Variants in VWDE observed in about 807,000 individuals in gnomAD.
The protein encoded by VWDE is von Willebrand factor D and EGF domains, also known as von Willebrand factor D and EGF domain-containing protein.
VWDE carries 207 observed loss-of-function variants against 178.4 expected under a neutral mutation model. That is an observed-to-expected ratio of 1.16 (90% confidence interval 1.04 to 1.30). VWDE has a LOEUF of 1.30. Ranked by LOEUF, VWDE falls within the 50% of genes most tolerant of loss-of-function variation. VWDE has a pLI of 0.00. For synonymous variants in VWDE, 738 were observed against 651.4 expected (o/e 1.13, Z -2.02); for missense variants, 2,287 against 1,901.3 (o/e 1.20, Z -3.77).
chr7:12,379,623 A>C, intron 5 of VWDE, 57 bp from the exon 6 acceptor site: 1 of 1,254,090 alleles, frequency 8.0e-7, no homozygotes, highest in Non-Finnish European at 1.1e-6. Flanking sequence ...GAAAACGTGT[A>C]AATTATCACT....
At chr7:12,334,866 CT>C (rs1265014920) in intron 27 of VWDE, among the ~76,000 whole-genome samples, 7 of 151,670 alleles carry the variant, frequency 4.6e-5, no homozygotes, top group African/African-American at 1.5e-4. Context: ...AGGTTGCTAA[CT>C]TTTTTTTTCT....
At chr7:12,357,997 C>T (rs1157817221) in intron 16 of VWDE, among the ~76,000 whole-genome samples, 1 of 152,144 alleles carries the variant, frequency 6.6e-6, no homozygotes, top group Non-Finnish European at 1.5e-5. Flanking sequence ...CTTGCCTCCC[C>T]AGCTATAATA....
chr7:12,352,767 T>C lies in VWDE; in HGVS notation c.3746-1054A>G, dbSNP rs1023775989. Reference sequence around the variant, plus strand: ...ATGCTGCTGCTTCCTTAGTACATAATTGTCATCAAAAAGGGTCCCATTCAC... The same window carrying C: ...ATGCTGCTGCTTCCTTAGTACATAACTGTCATCAAAAAGGGTCCCATTCAC... On this transcript the variant is annotated intron_variant, in intron 18 of 28. Coordinates refer to ENST00000275358, the MANE Select transcript of VWDE (RefSeq NM_001135924.3). Among the ~76,000 whole-genome samples, 6 of 152,276 alleles carry C rather than the reference T, an allele frequency of 3.9e-5. No homozygotes were observed. The East Asian group carries it at 9.6e-4, about 24-fold the overall frequency.
intron 4 of VWDE, among the ~76,000 whole-genome samples, chr7:12,383,310 A>G (rs972293784): frequency 2.0e-5 from 3 of 152,128 alleles, no homozygotes; most frequent in Non-Finnish European, 4.4e-5. Context: ...TTTCTTATGA[A>G]AGATTCTACT....
chr7:12,379,828 C>T (rs1474237106), intron 5 of VWDE, among the ~76,000 whole-genome samples: 1 of 152,128 alleles, frequency 6.6e-6, no homozygotes, highest in Admixed American at 6.5e-5. Context: ...GGTGCGGTGG[C>T]TCACGCCTGT....
chr7:12,356,419 T>C, intron 17 of VWDE, 89 bp from the exon 18 acceptor site: 1 of 910,742 alleles, frequency 1.1e-6, no homozygotes, highest in South Asian at 1.6e-5. Context: ...CATGTATGTT[T>C]ATGTACAAGT....
At chr7:12,379,400 C>T in intron 6 of VWDE, 77 bp downstream of exon 6, 1 of 993,016 alleles carries the variant, frequency 1.0e-6, no homozygotes. Flanking sequence ...GTACAGAAAC[C>T]AGCATGGACA....
chr7:12,376,697 G>A (rs1465627482), intron 7 of VWDE, among the ~76,000 whole-genome samples: 4 of 152,048 alleles, frequency 2.6e-5, no homozygotes, highest in South Asian at 2.1e-4. Context: ...CAAATAGTCC[G>A]AGAGAGGGTA....
chr7:12,358,192 C>A (rs372704500), intron 16 of VWDE, among the ~76,000 whole-genome samples: 275 of 152,210 alleles, frequency 1.8e-3, no homozygotes, highest in African/African-American at 6.3e-3. Flanking sequence ...GCCTGGCCAA[C>A]ATGGTGAAAC....
chr7:12,361,612 A>G, intron 13 of VWDE, 91 bp from the exon 14 acceptor site: 1 of 1,201,696 alleles, frequency 8.3e-7, no homozygotes, highest in Non-Finnish European at 1.1e-6. Flanking sequence ...TAAATTTTAA[A>G]ATATATGCCT....
At position 12,333,481 on chromosome 7, in the gene VWDE, C is replaced by T. The variant is rs371756568; in HGVS notation, c.4742G>A (p.Cys1581Tyr). Residue 1581 changes from cysteine (C) to tyrosine (Y), a missense_variant, in exon 28 of 29, where the codon TGT (cysteine) becomes TAT (tyrosine). By Grantham distance (194) the Cys-to-Tyr change is radical. Transcript: ENST00000275358. ...CTGAAATACCTGTATTTTCTTCTCA[C>T]ATTTGACTCCAGAGTATTCAGTGCG... ...SCRTEYSGVKCEKKIQIRRH is the reference protein window; with the variant it reads ...SCRTEYSGVKYEKKIQIRRH 4.5e-6 allele frequency: 7 copies of T among 1,545,804 alleles called. No individual in the cohort carries two copies. Among genetic ancestry groups the T allele is most frequent in the Non-Finnish European group, 5.2e-6 (6 of 1,143,426 alleles).
chr7:12,350,520 A>G (rs573863930), intron 19 of VWDE, among the ~76,000 whole-genome samples: 11 of 152,280 alleles, frequency 7.2e-5, no homozygotes, highest in Admixed American at 5.2e-4. Context: ...GGTATCTAGC[A>G]GAAACTGCAG....
chr7:12,354,724 G>GT (rs1782132151), intron 18 of VWDE, among the ~76,000 whole-genome samples: 2 of 151,620 alleles, frequency 1.3e-5, no homozygotes. Flanking sequence ...ATACGATTTT[G>GT]TTTTTGTAAA....
chr7:12,388,909 T>G (rs1367836883), intron 3 of VWDE: 5 of 695,362 alleles, frequency 7.2e-6, no homozygotes, highest in Non-Finnish European at 8.1e-6. Context: ...GAGATGTCTG[T>G]TTTGATGCTT....
At chr7:12,403,518 G>A (rs1785010012) in intron 1 of VWDE, 141 bp downstream of exon 1, 2 of 713,694 alleles carry the variant, frequency 2.8e-6, no homozygotes, top group Non-Finnish European at 4.4e-6. Flanking sequence ...ACAGAGAGGA[G>A]GCGGGTGAGG....
intron 3 of VWDE, among the ~76,000 whole-genome samples, chr7:12,384,260 T>C (rs1783990863): frequency 6.6e-6 from 1 of 152,098 alleles, no homozygotes; most frequent in Non-Finnish European, 1.5e-5. Flanking sequence ...AAAGGCTACC[T>C]ACTAAGTGAT....
At chr7:12,372,204 G>A (rs897228564) in intron 10 of VWDE, among the ~76,000 whole-genome samples, 6 of 151,640 alleles carry the variant, frequency 4.0e-5, no homozygotes, top group African/African-American at 1.5e-4. Context: ...CATTTTAATC[G>A]GAGTGCTGAT....
chr7:12,379,426 A>C, intron 6 of VWDE, 51 bp downstream of exon 6: 7 of 1,370,346 alleles, frequency 5.1e-6, no homozygotes, highest in Non-Finnish European at 7.1e-6. Flanking sequence ...CAGTTTGGGA[A>C]ACATAGTTCC....
chr7:12,379,432 G>A, intron 6 of VWDE, 45 bp downstream of exon 6: 1 of 1,395,906 alleles, frequency 7.2e-7, no homozygotes, highest in African/African-American at 1.4e-5. Context: ...GGGAAACATA[G>A]TTCCAGAGGA....
Sources: allele counts gnomAD v4.1 joint callset (sites outside exome capture counted in the v4.1 genomes callset), GRCh38; gene constraint gnomAD v4.1.1; transcripts MANE v1.5; gene names NCBI Gene and HGNC (gene_info 2026-07-23, HGNC 2026-07-21).